The following KHDRBS2 variants were observed in gnomAD, a reference collection of about 807,000 sequenced individuals.
The protein encoded by KHDRBS2 is KH domain-containing, RNA-binding, signal transduction-associated protein 2.
Under a neutral mutation model 44.3 loss-of-function variants are expected in KHDRBS2, and 26 were observed. That is an observed-to-expected ratio of 0.59 (90% confidence interval 0.43 to 0.81). The LOEUF (loss-of-function observed/expected upper bound fraction) is 0.81. KHDRBS2 is among the 40% of genes least tolerant of loss of function. The pLI is 0.00. For missense variants in KHDRBS2, 476 were observed against 433.1 expected (o/e 1.10, Z -0.88); for synonymous variants, 194 against 151.1 (o/e 1.28, Z -2.08).
At chr6:62,050,949 C>T (rs1398391154) in intron 2 of KHDRBS2, among the ~76,000 whole-genome samples, 1 of 151,996 alleles carries the variant, frequency 6.6e-6, no homozygotes, top group Non-Finnish European at 1.5e-5. Context: ...AAGAAACTAG[C>T]CACTGATTGA....
chr6:62,005,343 T>C (rs555617592), intron 3 of KHDRBS2, among the ~76,000 whole-genome samples: 1 of 152,202 alleles, frequency 6.6e-6, no homozygotes, highest in African/African-American at 2.4e-5. Flanking sequence ...TGTTGTTTGC[T>C]ATTTCTATTC....
At chr6:62,269,165 G>A (rs948226103) in intron 1 of KHDRBS2, among the ~76,000 whole-genome samples, 4 of 152,020 alleles carry the variant, frequency 2.6e-5, no homozygotes, top group African/African-American at 9.7e-5. Flanking sequence ...AAAATATTGA[G>A]AATAACTCTG....
At chr6:61,657,438 T>G in the KHDRBS2 span, among the ~76,000 whole-genome samples, 1 of 151,964 alleles carries the variant, frequency 6.6e-6, no homozygotes, top group African/African-American at 2.4e-5. Flanking sequence ...CTGACATCGT[T>G]TCCACGACAA....
intron 2 of KHDRBS2, among the ~76,000 whole-genome samples, chr6:62,080,364 T>C (rs554192972): frequency 6.6e-6 from 1 of 152,182 alleles, no homozygotes; most frequent in South Asian, 2.1e-4. Flanking sequence ...TGTACCCAAG[T>C]TTTCAAGGAT....
At chr6:62,047,088 TA>T (rs893496531) in intron 3 of KHDRBS2, among the ~76,000 whole-genome samples, 2 of 151,922 alleles carry the variant, frequency 1.3e-5, no homozygotes, top group African/African-American at 2.4e-5. Context: ...TACTCAAAAA[TA>T]AATATTTAAA....
intron 8 of KHDRBS2, among the ~76,000 whole-genome samples, chr6:61,690,543 G>C (rs1767284052): frequency 6.6e-6 from 1 of 151,986 alleles, no homozygotes; most frequent in South Asian, 2.1e-4. Flanking sequence ...GACTCTACCT[G>C]TTGGGTAAAT....
At chr6:61,847,817 C>T (rs1286687686) in intron 6 of KHDRBS2, among the ~76,000 whole-genome samples, 13 of 152,074 alleles carry the variant, frequency 8.5e-5, no homozygotes, top group East Asian at 7.7e-4. Flanking sequence ...AAGTTACTAA[C>T]ATATATAGGT....
At chr6:61,594,566 T>G in the KHDRBS2 span, among the ~76,000 whole-genome samples, 1 of 152,118 alleles carries the variant, frequency 6.6e-6, no homozygotes, top group African/African-American at 2.4e-5. Flanking sequence ...AGAGATGCAA[T>G]TGACAAACTC....
chr6:62,270,000 C>T (rs1259672783), intron 1 of KHDRBS2, among the ~76,000 whole-genome samples: 1 of 152,072 alleles, frequency 6.6e-6, no homozygotes, highest in African/African-American at 2.4e-5. Context: ...TTATTCCACT[C>T]ATATGAAGTT....
At chr6:62,057,347 A>G (rs747483137) in intron 2 of KHDRBS2, among the ~76,000 whole-genome samples, 6 of 151,920 alleles carry the variant, frequency 3.9e-5, no homozygotes, top group Non-Finnish European at 5.9e-5. Context: ...TGAGATTTAA[A>G]GTATTAGAAA....
the KHDRBS2 span, among the ~76,000 whole-genome samples, chr6:61,559,911 G>A: frequency 6.6e-6 from 1 of 152,026 alleles, no homozygotes; most frequent in Admixed American, 6.6e-5. Flanking sequence ...AGTGAATTTT[G>A]TATTTTCAGA....
intron 6 of KHDRBS2, among the ~76,000 whole-genome samples, chr6:61,857,263 A>C (rs1425395239): frequency 6.6e-6 from 1 of 152,082 alleles, no homozygotes; most frequent in Non-Finnish European, 1.5e-5. Context: ...ATATAACTAA[A>C]ATATTTCAAA....
chr6:62,066,599 C>T (rs980875047), intron 2 of KHDRBS2, among the ~76,000 whole-genome samples: 1 of 151,504 alleles, frequency 6.6e-6, no homozygotes, highest in Non-Finnish European at 1.5e-5. Context: ...GATGTTTGTT[C>T]TTTAAAGAAG....
At chr6:61,723,386 T>C (rs1773020062) in intron 7 of KHDRBS2, among the ~76,000 whole-genome samples, 1 of 152,098 alleles carries the variant, frequency 6.6e-6, no homozygotes, top group Non-Finnish European at 1.5e-5. Flanking sequence ...GAGGCTGAAA[T>C]GGCTGAATTG....
intron 1 of KHDRBS2, among the ~76,000 whole-genome samples, chr6:62,245,933 G>T (rs1443243867): frequency 3.3e-5 from 5 of 151,428 alleles, no homozygotes; most frequent in African/African-American, 1.2e-4. Context: ...AATGGGCAGG[G>T]CCAGTCAAAT....
At chr6:61,967,932 G>GTATATATATATATATA (rs369326330) in intron 4 of KHDRBS2, among the ~76,000 whole-genome samples, 4 of 117,016 alleles carry the variant, frequency 3.4e-5, no homozygotes, top group African/African-American at 1.0e-4. Context: ...ATACACACAC[G>GTATATATATATATATA]TATATATATA....
intron 2 of KHDRBS2, among the ~76,000 whole-genome samples, chr6:62,171,222 G>A (rs1819931493): frequency 6.6e-6 from 1 of 151,594 alleles, no homozygotes; most frequent in African/African-American, 2.4e-5. Flanking sequence ...GGAATCTAAG[G>A]AATACAAAAA....
chr6:62,084,118 A>T (rs1797955828), intron 2 of KHDRBS2, among the ~76,000 whole-genome samples: 2 of 152,138 alleles, frequency 1.3e-5, no homozygotes, highest in South Asian at 2.1e-4. Context: ...TATAATCCCT[A>T]ACGAGATATT....
At chr6:61,982,311 A>G (rs1477211747) in intron 3 of KHDRBS2, among the ~76,000 whole-genome samples, 1 of 152,160 alleles carries the variant, frequency 6.6e-6, no homozygotes, top group Non-Finnish European at 1.5e-5. Flanking sequence ...ATTCCCTCTG[A>G]GACCCACGGA....
Sources: gnomAD v4.1 joint callset for allele counts (sites outside exome capture counted in the v4.1 genomes callset) on GRCh38, gnomAD v4.1.1 for gene constraint, MANE v1.5 for transcripts, NCBI Gene and HGNC (gene_info 2026-07-23, HGNC 2026-07-21) for gene names.